Variants in NRXN3 observed in about 807,000 individuals in gnomAD.
NRXN3 encodes neurexin 3.
Under a neutral mutation model 137.6 loss-of-function variants are expected in NRXN3, and 32 were observed. The ratio of observed to expected loss-of-function variants is 0.23; its 90% CI spans 0.18 to 0.31. The LOEUF is 0.31. NRXN3 is among the 10% of genes least tolerant of loss of function. The pLI, the probability that NRXN3 is intolerant of heterozygous loss-of-function variation, is 1.00. For missense variants in NRXN3, 1,574 were observed against 2,062.5 expected (o/e 0.76, Z 4.59); for synonymous variants, 798 against 784.5 (o/e 1.02, Z -0.29).
At chr14:79,295,423 C>G (rs1436662514) in intron 15 of NRXN3, among the ~76,000 whole-genome samples, 1 of 152,122 alleles carries the variant, frequency 6.6e-6, no homozygotes, top group Non-Finnish European at 1.5e-5. Flanking sequence ...AAAAAGCACT[C>G]TTTCAAATGT....
intron 8 of NRXN3, among the ~76,000 whole-genome samples, chr14:78,718,820 C>A (rs772938307): frequency 4.6e-5 from 7 of 152,206 alleles, no homozygotes; most frequent in Non-Finnish European, 1.0e-4. Context: ...TGAGAGACGT[C>A]TCCATGACCT....
chr14:79,420,589 T>C (rs2095561850), intron 15 of NRXN3, among the ~76,000 whole-genome samples: 1 of 152,104 alleles, frequency 6.6e-6, no homozygotes, highest in African/African-American at 2.4e-5. Context: ...GAGTTAGGAA[T>C]TGGCCTGGAT....
At chr14:78,383,223 A>G (rs1195367390) in intron 4 of NRXN3, among the ~76,000 whole-genome samples, 1 of 152,122 alleles carries the variant, frequency 6.6e-6, no homozygotes, top group African/African-American at 2.4e-5. Context: ...CACTTTTGGC[A>G]TGGTGTCTTT....
At chr14:79,200,757 A>G (rs968458909) in intron 15 of NRXN3, among the ~76,000 whole-genome samples, 6 of 151,400 alleles carry the variant, frequency 4.0e-5, no homozygotes, top group African/African-American at 7.3e-5. Context: ...CTGATATTCA[A>G]TGGCACTTGT....
At chr14:78,418,949 A>G (rs1183298993) in intron 4 of NRXN3, among the ~76,000 whole-genome samples, 1 of 152,224 alleles carries the variant, frequency 6.6e-6, no homozygotes, top group Non-Finnish European at 1.5e-5. Context: ...TATGTTCTCA[A>G]GTTGTCACTA....
At chr14:78,941,101 A>C (rs1317849851) in intron 10 of NRXN3, among the ~76,000 whole-genome samples, 1 of 152,224 alleles carries the variant, frequency 6.6e-6, no homozygotes, top group Non-Finnish European at 1.5e-5. Context: ...ATGCATGTCA[A>C]GTAACTACCA....
chr14:78,202,656 A>C (rs2153397366), intron 1 of NRXN3, among the ~76,000 whole-genome samples: 1 of 152,260 alleles, frequency 6.6e-6, no homozygotes, highest in Non-Finnish European at 1.5e-5. Flanking sequence ...CTCTCATATC[A>C]AGGCCAACCC....
chr14:78,431,865 G>A (rs1317495562), intron 4 of NRXN3, among the ~76,000 whole-genome samples: 1 of 152,130 alleles, frequency 6.6e-6, no homozygotes, highest in Admixed American at 6.5e-5. Flanking sequence ...ATTCCTTGGA[G>A]GTAAGTATTA....
chr14:79,202,342 CTTGTT>C (rs1290047469), intron 15 of NRXN3, among the ~76,000 whole-genome samples: 1 of 151,894 alleles, frequency 6.6e-6, no homozygotes, highest in African/African-American at 2.4e-5. Context: ...TAGGCATATC[CTTGTT>C]TTGTGGGAGA....
intron 16 of NRXN3, among the ~76,000 whole-genome samples, chr14:79,604,183 G>A (rs1175067948): frequency 2.0e-5 from 3 of 151,832 alleles, no homozygotes; most frequent in African/African-American, 7.3e-5. Flanking sequence ...GAGCCACCGC[G>A]CCCTGCCAGA....
rs933528749 is a variant in NRXN3, at chr14:79,646,264, C to T, written c.3445-17514C>T. Among the ~76,000 whole-genome samples, 3 of 135,154 alleles carry T rather than the reference C, an allele frequency of 2.2e-5. 1 individual carries two copies. Among genetic ancestry groups the T allele is most frequent in the Admixed American group, 1.6e-4 (2 of 12,662 alleles). The allele number at this position is 135,154 out of a possible 152,430, so 88.7% of individuals were successfully genotyped here. The stretch of plus-strand genomic sequence containing the variant: ...TGGGGTTGACAGCATAGTTGGGCTG[C>T]ACTAAAGAGTCTTACTCTGACATAA... On this transcript the variant is annotated intron_variant, in intron 16 of 20. Transcript: ENST00000335750.
intron 15 of NRXN3, among the ~76,000 whole-genome samples, chr14:79,414,696 GTGTGTGTGTGTT>G (rs1403447563): frequency 1.3e-5 from 2 of 151,838 alleles, no homozygotes; most frequent in African/African-American, 4.8e-5. Flanking sequence ...CATAGCTACC[GTGTGTGTGTGTT>G]TGTGTGTGTT....
chr14:78,627,819 T>G (rs1281641605), intron 4 of NRXN3, among the ~76,000 whole-genome samples: 1 of 152,226 alleles, frequency 6.6e-6, no homozygotes, highest in Non-Finnish European at 1.5e-5. Context: ...CTAGAATTCA[T>G]CTTCCTGATA....
chr14:78,216,995 A>T (rs2063354814), intron 1 of NRXN3, among the ~76,000 whole-genome samples: 1 of 152,194 alleles, frequency 6.6e-6, no homozygotes, highest in Non-Finnish European at 1.5e-5. Flanking sequence ...GTATGACCTC[A>T]TCTTGACTTG....
chr14:78,803,172 G>A (rs915217902), intron 8 of NRXN3, among the ~76,000 whole-genome samples: 2 of 152,036 alleles, frequency 1.3e-5, no homozygotes, highest in Non-Finnish European at 2.9e-5. Context: ...GGTAAATATC[G>A]ATTTGTCTGC....
At chr14:78,760,441 A>G (rs1016791046) in intron 8 of NRXN3, among the ~76,000 whole-genome samples, 1 of 149,460 alleles carries the variant, frequency 6.7e-6, no homozygotes, top group African/African-American at 2.5e-5. Context: ...TGCTTTATAT[A>G]TAGCGAATGA....
intron 4 of NRXN3, among the ~76,000 whole-genome samples, chr14:78,583,070 A>G (rs967561351): frequency 6.6e-6 from 1 of 152,098 alleles, no homozygotes; most frequent in Non-Finnish European, 1.5e-5. Context: ...GGCCTCTGGG[A>G]TACTAACATT....
intron 15 of NRXN3, among the ~76,000 whole-genome samples, chr14:79,052,162 A>C (rs914129154): frequency 6.6e-6 from 1 of 152,152 alleles, no homozygotes; most frequent in African/African-American, 2.4e-5. Flanking sequence ...TGCCTATCCC[A>C]TCCCTGTTCT....
At chr14:78,827,000 G>A (rs1450914085) in intron 10 of NRXN3, among the ~76,000 whole-genome samples, 1 of 151,994 alleles carries the variant, frequency 6.6e-6, no homozygotes, top group African/African-American at 2.4e-5. Flanking sequence ...CCCTGATTTT[G>A]GTTATTATCC....
Sources: gnomAD v4.1 joint callset for allele counts (sites outside exome capture counted in the v4.1 genomes callset) on GRCh38, gnomAD v4.1.1 for gene constraint, MANE v1.5 for transcripts, NCBI Gene and HGNC (gene_info 2026-07-23, HGNC 2026-07-21) for gene names.